The following ZNF704 variants were observed in gnomAD, a reference collection of about 807,000 sequenced individuals.
ZNF704 encodes the protein zinc finger protein 704, also known as glucocorticoid induced gene 1.
ZNF704 carries 10 observed loss-of-function variants against 44.7 expected under a neutral mutation model. The ratio of observed to expected loss-of-function variants is 0.22; its 90% CI spans 0.14 to 0.38. The LOEUF (loss-of-function observed/expected upper bound fraction) is 0.38, where lower values mean the gene tolerates loss of function less well. ZNF704 is among the 10% of genes least tolerant of loss of function. ZNF704 has a pLI of 1.00. For synonymous variants in ZNF704, 211 were observed against 207.6 expected, an observed-to-expected ratio of 1.02 and a Z score of -0.14; for missense variants, 390 against 545.5, an observed-to-expected ratio of 0.71 and a Z score of 2.84.
At chr8:80,796,707 GGAA>G (rs1807806504) in intron 2 of ZNF704, among the ~76,000 whole-genome samples, 2 of 152,062 alleles carry the variant, frequency 1.3e-5, no homozygotes, top group South Asian at 4.2e-4. Flanking sequence ...CATTTGAAAA[GGAA>G]GAAGACTGGG....
At chr8:80,685,920 T>C (rs2131630215) in intron 4 of ZNF704, among the ~76,000 whole-genome samples, 1 of 152,334 alleles carries the variant, frequency 6.6e-6, no homozygotes, top group Non-Finnish European at 1.5e-5. Context: ...GGCTTTGTAT[T>C]GGATTTTTGT....
rs1260690294 is a variant in ZNF704, at chr8:80,633,820, A to G, written c.*7546T>C. On this transcript the variant is annotated 3_prime_UTR_variant, in exon 9 of 9. Coordinates refer to ENST00000327835, the MANE Select transcript of ZNF704 (RefSeq NM_001033723.3). ...ACTCTGATGTAAGATAGAGTTTAAA[A>G]TAACTTAGTCCATCTAAATGAAGGA... 2.0e-5 allele frequency: 3 copies of G among 152,246 alleles called. No individual in the cohort carries two copies. In the East Asian group the frequency reaches 5.8e-4, roughly 29 times the overall value. The allele number at this position is 152,246 out of a possible 1,614,324, so 9.4% of individuals were successfully genotyped here.
chr8:80,751,671 T>C (rs1586001815), intron 2 of ZNF704, among the ~76,000 whole-genome samples: 1 of 152,222 alleles, frequency 6.6e-6, no homozygotes, highest in Admixed American at 6.5e-5. Flanking sequence ...AGTGTGATCT[T>C]TCAGCATCAA....
chr8:80,777,696 T>C (rs1807438601), intron 2 of ZNF704, among the ~76,000 whole-genome samples: 1 of 152,026 alleles, frequency 6.6e-6, no homozygotes, highest in Non-Finnish European at 1.5e-5. Context: ...CTGACCAACA[T>C]GGCAAAATCC....
chr8:80,685,753 C>T (rs1472237278), intron 4 of ZNF704, among the ~76,000 whole-genome samples: 2 of 152,230 alleles, frequency 1.3e-5, no homozygotes, highest in African/African-American at 2.4e-5. Flanking sequence ...CACATGTACA[C>T]ACTCAGAGAG....
chr8:80,812,746 T>C (rs1370713576), intron 2 of ZNF704, among the ~76,000 whole-genome samples: 1 of 152,234 alleles, frequency 6.6e-6, no homozygotes, highest in African/African-American at 2.4e-5. Flanking sequence ...TTAATGTAGC[T>C]ATTATACCAT....
chr8:80,823,284 G>T (rs536430792), intron 1 of ZNF704, among the ~76,000 whole-genome samples: 1 of 152,350 alleles, frequency 6.6e-6, no homozygotes, highest in East Asian at 1.9e-4. Flanking sequence ...TCCCGTGCCT[G>T]GCTCGGAGGG....
chr8:80,694,302 G>A (rs1818690068), intron 2 of ZNF704: 1 of 152,186 alleles, frequency 6.6e-6, no homozygotes, highest in South Asian at 2.1e-4. Context: ...ATTTTGGCCA[G>A]TTAACCCTGA....
intron 2 of ZNF704, among the ~76,000 whole-genome samples, chr8:80,767,480 T>C (rs1020338360): frequency 6.6e-6 from 1 of 152,216 alleles, no homozygotes; most frequent in Non-Finnish European, 1.5e-5. Flanking sequence ...CAAAATTTAC[T>C]ATATAATCAA....
intron 2 of ZNF704, among the ~76,000 whole-genome samples, chr8:80,762,252 T>A (rs1020557888): frequency 2.0e-5 from 3 of 152,232 alleles, no homozygotes; most frequent in African/African-American, 4.8e-5. Context: ...AGTGACTGAA[T>A]AGTTTGGCAG....
At chr8:80,879,930 A>G in the ZNF704 span, among the ~76,000 whole-genome samples, 1 of 152,212 alleles carries the variant, frequency 6.6e-6, no homozygotes, top group African/African-American at 2.4e-5. Flanking sequence ...AAGAAAAAAA[A>G]CAGGGCAGAA....
chr8:80,799,691 G>A (rs574370634), intron 2 of ZNF704, among the ~76,000 whole-genome samples: 18 of 152,206 alleles, frequency 1.2e-4, no homozygotes, highest in Admixed American at 9.2e-4. Flanking sequence ...AGGTAGAGAC[G>A]CCCACAATGA....
intron 2 of ZNF704, among the ~76,000 whole-genome samples, chr8:80,762,799 C>A (rs1167327189): frequency 6.6e-6 from 1 of 152,200 alleles, no homozygotes; most frequent in Non-Finnish European, 1.5e-5. Context: ...CAAGTCCTTT[C>A]CACCTATCAG....
chr8:80,849,291 T>C (rs777813109), intron 1 of ZNF704, among the ~76,000 whole-genome samples: 2 of 152,176 alleles, frequency 1.3e-5, no homozygotes, highest in Non-Finnish European at 2.9e-5. Flanking sequence ...CCAAATATCA[T>C]CTATGCTTAG....
intron 1 of ZNF704, among the ~76,000 whole-genome samples, chr8:80,829,485 T>C (rs988444868): frequency 1.8e-4 from 27 of 152,294 alleles, no homozygotes; most frequent in African/African-American, 5.8e-4. Flanking sequence ...CAGTATTAAG[T>C]TGAAACAAAA....
At chr8:80,864,724 G>C (rs1296391600) in intron 1 of ZNF704, among the ~76,000 whole-genome samples, 4 of 152,172 alleles carry the variant, frequency 2.6e-5, no homozygotes, top group Admixed American at 2.6e-4. Flanking sequence ...ACAAGTCTGA[G>C]ACACCAACGC....
chr8:80,820,396 CT>C lies in ZNF704; in HGVS notation c.221+977del, dbSNP rs147731123. On this transcript the variant is annotated intron_variant, in intron 2 of 8. Coordinates refer to ENST00000327835, the MANE Select transcript of ZNF704 (RefSeq NM_001033723.3). Reference sequence around the variant, plus strand: ...AATAAAATTATAATGTGACAAAGGCCTTTTTTTTTACTTGTTTTTAGAAAGA... The same window carrying C: ...AATAAAATTATAATGTGACAAAGGCCTTTTTTTTACTTGTTTTTAGAAAGA... Among the ~76,000 whole-genome samples, 14 of 151,158 alleles carry C rather than the reference CT, an allele frequency of 9.3e-5. No individual in the cohort carries two copies. The East Asian group carries it at 1.2e-3, about 13-fold the overall frequency.
At chr8:80,788,989 C>T (rs899915498) in intron 2 of ZNF704, among the ~76,000 whole-genome samples, 12 of 152,140 alleles carry the variant, frequency 7.9e-5, no homozygotes, top group African/African-American at 2.7e-4. Context: ...TAAATATGTG[C>T]TCCTAAAAGT....
At chr8:80,734,486 A>G (rs1265204349) in intron 2 of ZNF704, among the ~76,000 whole-genome samples, 1 of 152,258 alleles carries the variant, frequency 6.6e-6, no homozygotes, top group African/African-American at 2.4e-5. Flanking sequence ...GTTCAGTATA[A>G]TACTGAACAA....
Sources: allele counts gnomAD v4.1 joint callset (sites outside exome capture counted in the v4.1 genomes callset), GRCh38; gene constraint gnomAD v4.1.1; transcripts MANE v1.5; gene names NCBI Gene and HGNC (gene_info 2026-07-23, HGNC 2026-07-21).